C18orf54: variants seen among roughly 807,000 people sequenced by gnomAD.
The protein encoded by C18orf54 is chromosome 18 open reading frame 54.
A neutral mutation model predicts 49.3 loss-of-function variants in C18orf54; 49 were observed. That is an observed-to-expected ratio of 0.99 (90% confidence interval 0.79 to 1.26). The LOEUF (loss-of-function observed/expected upper bound fraction) is 1.26, where lower values mean the gene tolerates loss of function less well. C18orf54 is among the 50% of genes most tolerant of loss of function. The pLI, the probability that C18orf54 is intolerant of heterozygous loss-of-function variation, is 0.00. For synonymous variants in C18orf54, 211 were observed against 216.6 expected, an observed-to-expected ratio of 0.97 and a Z score of 0.23; for missense variants, 687 against 620.6, an observed-to-expected ratio of 1.11 and a Z score of -1.14.
chr18:54,374,389 G>C, intron 8 of C18orf54, 105 bp downstream of exon 8: 1 of 1,225,432 alleles, frequency 8.2e-7, no homozygotes. Context: ...AGCACTACTA[G>C]GCATATTTAA....
At chr18:54,358,628 G>A (rs568898666) in intron 1 of C18orf54, 146 bp from the exon 2 acceptor site, 1 of 152,274 alleles carries the variant, frequency 6.6e-6, no homozygotes, top group African/African-American at 2.4e-5. Context: ...CCGGTCGGTG[G>A]GTTCCTGGTT....
chr18:54,358,152 C>G (rs2089184194), intron 1 of C18orf54, 77 bp downstream of exon 1: 2 of 152,322 alleles, frequency 1.3e-5, no homozygotes, highest in Non-Finnish European at 2.9e-5. Flanking sequence ...AGGAGGGTGT[C>G]TTTTCGAGGG....
rs1446229153 is a variant in C18orf54, at chr18:54,362,037, G to C, written c.678G>C (p.Lys226Asn). ...SLSFPKKSSFKDSSEHSLEKN... is the reference protein window; with the variant it reads ...SLSFPKKSSFNDSSEHSLEKN... ...CTTTTCCCAAGAAATCGTCTTTCAAGGACAGTTCAGAACACAGTCTTGAAA... is the reference window on the plus strand; with the variant it reads ...CTTTTCCCAAGAAATCGTCTTTCAACGACAGTTCAGAACACAGTCTTGAAA... The change falls in exon 4 of 9, where the codon AAG (lysine) becomes AAC (asparagine). Residue 226 changes from lysine (K) to asparagine (N), a missense_variant. Coordinates refer to ENST00000620105, the MANE Select transcript of C18orf54 (RefSeq NM_001288980.2). 1 of 1,579,308 alleles carries C rather than the reference G, an allele frequency of 6.3e-7. No homozygotes were observed. Among genetic ancestry groups the C allele is most frequent in the African/African-American group, 1.4e-5 (1 of 73,926 alleles).
At chr18:54,364,541 AC>A (rs1176701292) in intron 5 of C18orf54, among the ~76,000 whole-genome samples, 6 of 152,106 alleles carry the variant, frequency 3.9e-5, no homozygotes, top group Admixed American at 1.3e-4. Context: ...ATTATTATCA[AC>A]CTGTCATCAA....
In C18orf54 at chr18:54,362,419, A is replaced by G. The variant is rs1400970889; in HGVS notation, c.1060A>G (p.Lys354Glu). The stretch of plus-strand genomic sequence containing the variant: ...TCCACTTCTCCCAGGACAATCCACA[A>G]AGCCATTCAGTGGTAATACTTTGTT... ...ENPLLPGQST[K>E]PFSGDKIELL... Residue 354 changes from lysine (K) to glutamate (E), a missense_variant, in exon 4 of 9, where the codon AAG (lysine) becomes GAG (glutamate). Coordinates refer to ENST00000620105, the MANE Select transcript of C18orf54 (RefSeq NM_001288980.2). The G allele has an allele frequency of 2.6e-6, 4 of 1,514,682 alleles. No homozygotes were observed. Among genetic ancestry groups the G allele is most frequent in the Non-Finnish European group, 2.6e-6 (3 of 1,136,604 alleles). 93.8% of individuals were successfully genotyped at this position (1,514,682 alleles called of 1,614,324 possible).
rs1250459027 is a variant in C18orf54, at chr18:54,362,303, C to A, written c.944C>A (p.Pro315His). 11 of 1,536,146 alleles carry A rather than the reference C, an allele frequency of 7.2e-6. No homozygotes were observed. Among genetic ancestry groups the A allele is most frequent in the Non-Finnish European group, 9.6e-6 (11 of 1,146,884 alleles). The change falls in exon 4 of 9, where the codon CCC becomes CAC. Residue 315 changes from proline (P) to histidine (H), a missense_variant. Pro to His is a moderately conservative substitution (Grantham distance 77). Coordinates refer to ENST00000620105, the MANE Select transcript of C18orf54 (RefSeq NM_001288980.2). Reference protein sequence around the residue: ...KLDCFEYAFEPSNFSNSLSDD... With the variant: ...KLDCFEYAFEHSNFSNSLSDD... ...GATTGTTTTGAATATGCTTTTGAAC[C>A]CTCAAACTTTTCAAATTCCTTGAGT...
At chr18:54,375,965 T>A (rs1279075218) in intron 8 of C18orf54, among the ~76,000 whole-genome samples, 1 of 152,206 alleles carries the variant, frequency 6.6e-6, no homozygotes, top group East Asian at 1.9e-4. Context: ...TAATTACATC[T>A]CAGAATTCCT....
chr18:54,363,805 C>A (rs923013701), intron 5 of C18orf54: 2 of 90,958 alleles, frequency 2.2e-5, no homozygotes, highest in South Asian at 7.7e-4. Context: ...CTATTAGTTC[C>A]TGGATTCTTT....
rs1194256564 is a variant in C18orf54 at position 54,362,921 on chromosome 18, T to C, written c.1223T>C (p.Phe408Ser). The C allele has an allele frequency of 1.3e-6, 2 of 1,587,338 alleles. No homozygotes were observed. Among genetic ancestry groups the C allele is most frequent in the African/African-American group, 1.4e-5 (1 of 73,274 alleles). Residue 408 changes from phenylalanine to serine, a missense_variant and splice_region_variant, in exon 5 of 9, where the codon TTC (phenylalanine) becomes TCC (serine). Physicochemically the swap from Phe to Ser is radical, Grantham distance 155. Transcript: ENST00000620105. ...TCATGGGAAAATATTCCTGTTACTTTGTAAGTAAGTGGCAATGGAAAAACT... is the reference window on the plus strand; with the variant it reads ...TCATGGGAAAATATTCCTGTTACTTCGTAAGTAAGTGGCAATGGAAAAACT... The part of the protein sequence containing the change: ...DRSWENIPVT[F>S]KSPVPVNSDD...
At position 54,380,337 on chromosome 18, in the gene C18orf54, TATCA is replaced by T. The variant is rs1295638042; in HGVS notation, c.*2095_*2098del. ...AATTGCATTGTGAATGTAAAATTTTTATCAATCCTTTGCTCTCTTTTAGACATAT... is the reference window on the plus strand; with the variant it reads ...AATTGCATTGTGAATGTAAAATTTTTATCCTTTGCTCTCTTTTAGACATAT... On this transcript the variant is annotated 3_prime_UTR_variant, in exon 9 of 9. Coordinates refer to ENST00000620105, the MANE Select transcript of C18orf54 (RefSeq NM_001288980.2). 8 of 151,030 alleles carry T rather than the reference TATCA, an allele frequency of 5.3e-5. No individual in the cohort carries two copies. The highest frequency in any genetic ancestry group is 1.2e-4 in the African/African-American group (5 of 41,168). The allele number at this position is 151,030 out of a possible 1,614,324, so 9.4% of individuals were successfully genotyped here.
At chr18:54,361,241 C>T (rs2089263217) in intron 3 of C18orf54, among the ~76,000 whole-genome samples, 1 of 152,108 alleles carries the variant, frequency 6.6e-6, no homozygotes, top group African/African-American at 2.4e-5. Context: ...ATAATCCATG[C>T]CATTGAAGGG....
In C18orf54 at chr18:54,378,471, A is replaced by G. The variant is rs3753054; in HGVS notation, c.*225A>G. ...AATGTGAACTGCAAGGACCCACAAT[A>G]TATCCTGAAGTCTTACTTTCGCCTT... is the stretch of plus-strand genomic sequence containing the variant. On this transcript the variant is annotated 3_prime_UTR_variant, in exon 9 of 9. Coordinates refer to ENST00000620105, the MANE Select transcript of C18orf54 (RefSeq NM_001288980.2). 0.72 allele frequency: 256,031 copies of G among 354,320 alleles called. 93,521 individuals carry two copies. Among genetic ancestry groups the G allele is most frequent in the African/African-American group, 0.86 (41,081 of 47,672 alleles). The allele number at this position is 354,320 out of a possible 1,614,324, so 21.9% of individuals were successfully genotyped here. A position where few individuals can be genotyped will look rare whatever the true frequency, so the allele number is the denominator to read the frequency against.
chr18:54,368,922 A>C (rs75461113), intron 6 of C18orf54, among the ~76,000 whole-genome samples: 52 of 152,304 alleles, frequency 3.4e-4, no homozygotes, highest in African/African-American at 1.3e-3. Flanking sequence ...CTGCTGTTCA[A>C]ATTGTTTCAG....
chr18:54,366,402 C>T (rs1018546521), intron 6 of C18orf54, among the ~76,000 whole-genome samples: 7 of 151,924 alleles, frequency 4.6e-5, no homozygotes, highest in Admixed American at 1.3e-4. Flanking sequence ...CTGCTCCTAG[C>T]TTATTTTACC....
Position 54,381,841 on chromosome 18 carries a change from G to A in C18orf54, c.*3595G>A, listed in dbSNP as rs1312500281. The A allele has an allele frequency of 1.3e-5, 2 of 152,134 alleles. No homozygotes were observed. Among genetic ancestry groups the A allele is most frequent in the Non-Finnish European group, 2.9e-5 (2 of 68,020 alleles). 9.4% of individuals were successfully genotyped at this position (152,134 alleles called of 1,614,324 possible). ...ATGTTGTATTCCTAGACAAGGAAAT[G>A]TATATCAAAATATGTTAGATGATTG... On this transcript the variant is annotated 3_prime_UTR_variant, in exon 9 of 9. Transcript: ENST00000620105.
rs2089477139 is a variant in C18orf54 at position 54,370,993 on chromosome 18, T to C, written c.1327-1473T>C. Among the ~76,000 whole-genome samples, 4 of 152,080 alleles carry C rather than the reference T, an allele frequency of 2.6e-5. No individual in the cohort carries two copies. In the South Asian group the frequency reaches 8.3e-4, roughly 31 times the overall value. On this transcript the variant is annotated intron_variant, in intron 6 of 8. Transcript: ENST00000620105. ...TTTCTTATATTGTTGTGTTAAAATA[T>C]ACATAACATAAAATTTACCATTTTA...
At chr18:54,371,446 GAACAT>G (rs964857307) in intron 6 of C18orf54, among the ~76,000 whole-genome samples, 11 of 152,054 alleles carry the variant, frequency 7.2e-5, no homozygotes, top group Admixed American at 6.6e-4. Flanking sequence ...ATTTTGTTGT[GAACAT>G]GGGTATACAA....
chr18:54,370,594 T>C (rs1416562001), intron 6 of C18orf54, among the ~76,000 whole-genome samples: 1 of 152,220 alleles, frequency 6.6e-6, no homozygotes, highest in Non-Finnish European at 1.5e-5. Context: ...GTCAAAGATA[T>C]ACAGAGATGT....
At chr18:54,372,713 A>G in intron 7 of C18orf54, 116 bp downstream of exon 7, 15 of 950,942 alleles carry the variant, frequency 1.6e-5, no homozygotes, top group Non-Finnish European at 2.1e-5. Flanking sequence ...CACATTACAC[A>G]TGTTGTAAGT....
Sources: allele counts gnomAD v4.1 joint callset (sites outside exome capture counted in the v4.1 genomes callset), GRCh38; gene constraint gnomAD v4.1.1; transcripts MANE v1.5; gene names NCBI Gene and HGNC (gene_info 2026-07-23, HGNC 2026-07-21).